Variants in SLC14A2 observed in about 807,000 individuals in gnomAD.
The protein encoded by SLC14A2 is urea transporter 2.
Under a neutral mutation model 104.6 loss-of-function variants are expected in SLC14A2, and 91 were observed. That is an observed-to-expected ratio of 0.87 (90% CI 0.73 to 1.04). SLC14A2 has a LOEUF of 1.04. Among genes scored for constraint, SLC14A2 ranks in the 50% least tolerant of loss-of-function variants. The pLI is 0.00. For missense variants in SLC14A2, 1,189 were observed against 1,156.0 expected, an observed-to-expected ratio of 1.03 and a Z score of -0.41; for synonymous variants, 476 against 466.4, an observed-to-expected ratio of 1.02 and a Z score of -0.27.
chr18:45,598,904 A>G (rs2044750364), intron 2 of SLC14A2, among the ~76,000 whole-genome samples: 1 of 151,894 alleles, frequency 6.6e-6, no homozygotes, highest in Admixed American at 6.6e-5. Flanking sequence ...TAACTTTCTT[A>G]CCCCAAGGGA....
intron 1 of SLC14A2, among the ~76,000 whole-genome samples, chr18:45,345,601 G>T (rs565203603): frequency 2.0e-4 from 30 of 152,244 alleles, no homozygotes; most frequent in African/African-American, 7.0e-4. Context: ...TGATCCTTGT[G>T]CATCATGGGT....
intron 1 of SLC14A2, among the ~76,000 whole-genome samples, chr18:45,257,633 G>A (rs372526843): frequency 2.7e-4 from 41 of 152,012 alleles, no homozygotes; most frequent in African/African-American, 9.2e-4. Context: ...TGTAGCTCTT[G>A]GCAATCTTAA....
rs1399823888 is a variant in SLC14A2, at chr18:45,669,510, G to A, written c.2229+12G>A. 6.2e-7 allele frequency: 1 copy of A among 1,607,348 alleles called. No homozygotes were observed. Among genetic ancestry groups the A allele is most frequent in the East Asian group, 2.2e-5 (1 of 44,836 alleles). Reference sequence around the variant, plus strand: ...TCCAAGTGCCCTTGGTACGTATCATGGAAGGAGGAAGGGCAGGTCTGTCCA... The same window carrying A: ...TCCAAGTGCCCTTGGTACGTATCATAGAAGGAGGAAGGGCAGGTCTGTCCA... On this transcript the variant is annotated intron_variant, in intron 16 of 19. Coordinates refer to ENST00000255226, the MANE Select transcript of SLC14A2 (RefSeq NM_007163.4).
intron 4 of SLC14A2, among the ~76,000 whole-genome samples, chr18:45,629,090 C>T (rs903992342): frequency 3.3e-5 from 5 of 152,192 alleles, no homozygotes; most frequent in South Asian, 2.1e-4. Flanking sequence ...CATCATGGCA[C>T]CTGTGAGGAC....
At chr18:45,583,917 G>A (rs941623498) in intron 2 of SLC14A2, among the ~76,000 whole-genome samples, 1 of 152,294 alleles carries the variant, frequency 6.6e-6, no homozygotes, top group South Asian at 2.1e-4. Flanking sequence ...AGCCATATGT[G>A]TAATTTTAAT....
At chr18:45,355,368 G>A (rs2085542480) in intron 1 of SLC14A2, among the ~76,000 whole-genome samples, 1 of 152,002 alleles carries the variant, frequency 6.6e-6, no homozygotes, top group Admixed American at 6.6e-5. Context: ...GAGGGCAGGA[G>A]TTCGAGACCA....
chr18:45,430,480 A>C (rs1003030167), intron 1 of SLC14A2, among the ~76,000 whole-genome samples: 1 of 152,340 alleles, frequency 6.6e-6, no homozygotes, highest in Non-Finnish European at 1.5e-5. Context: ...TAAAGATTTC[A>C]GAAAAGGGAG....
intron 2 of SLC14A2, among the ~76,000 whole-genome samples, chr18:45,564,048 A>T (rs1033270609): frequency 6.6e-6 from 1 of 152,240 alleles, no homozygotes; most frequent in East Asian, 1.9e-4. Flanking sequence ...GTTTTATGTT[A>T]TCTCCATCAA....
At chr18:45,484,515 T>C (rs951913627) in intron 2 of SLC14A2, among the ~76,000 whole-genome samples, 4 of 152,214 alleles carry the variant, frequency 2.6e-5, no homozygotes, top group Non-Finnish European at 5.9e-5. Flanking sequence ...AATGACTCTT[T>C]GAATGGTCAA....
the SLC14A2 span, among the ~76,000 whole-genome samples, chr18:45,187,834 G>A: frequency 2.0e-5 from 3 of 152,116 alleles, no homozygotes; most frequent in African/African-American, 7.2e-5. Flanking sequence ...TGTGGAAAAT[G>A]TTTATCTTTG....
chr18:45,210,626 C>A (rs1376232163), upstream of SLC14A2, among the ~76,000 whole-genome samples: 1 of 152,208 alleles, frequency 6.6e-6, no homozygotes, highest in Non-Finnish European at 1.5e-5. Context: ...GTGCCAGGCA[C>A]TGCCACAGGC....
chr18:45,250,751 C>CTGACTTTTTTTTT (rs1165070845), intron 1 of SLC14A2, among the ~76,000 whole-genome samples: 50 of 113,898 alleles, frequency 4.4e-4, no homozygotes, highest in African/African-American at 5.1e-4. Context: ...CTAGTGGCTT[C>CTGACTTTTTTTTT]TTCCTTTTTT....
At chr18:45,195,677 A>C in the SLC14A2 span, among the ~76,000 whole-genome samples, 9 of 152,210 alleles carry the variant, frequency 5.9e-5, no homozygotes, top group Non-Finnish European at 1.3e-4. Flanking sequence ...GGTGTGAGCC[A>C]CTGCGCCTGG....
At chr18:45,354,430 T>C (rs1049187443) in intron 1 of SLC14A2, among the ~76,000 whole-genome samples, 3 of 152,168 alleles carry the variant, frequency 2.0e-5, no homozygotes, top group African/African-American at 7.2e-5. Flanking sequence ...GCTCACTACT[T>C]CAACCCATCT....
upstream of SLC14A2, among the ~76,000 whole-genome samples, chr18:45,209,229 G>C (rs543092327): frequency 1.3e-5 from 2 of 148,726 alleles, no homozygotes; most frequent in African/African-American, 5.0e-5. Context: ...TGTAGTCCTA[G>C]CTACTCGGGA....
chr18:45,570,624 C>T (rs974922624), intron 2 of SLC14A2, among the ~76,000 whole-genome samples: 3 of 152,182 alleles, frequency 2.0e-5, no homozygotes, highest in Non-Finnish European at 4.4e-5. Flanking sequence ...TTACTTGATC[C>T]TAACAAACCC....
intron 1 of SLC14A2, among the ~76,000 whole-genome samples, chr18:45,288,043 C>T (rs1219658287): frequency 6.6e-6 from 1 of 152,232 alleles, no homozygotes; most frequent in African/African-American, 2.4e-5. Flanking sequence ...CTCCTCCCTA[C>T]ACAGGAGCAA....
chr18:45,555,279 T>C (rs2044115753), intron 2 of SLC14A2, among the ~76,000 whole-genome samples: 1 of 152,156 alleles, frequency 6.6e-6, no homozygotes, highest in African/African-American at 2.4e-5. Context: ...ATAAGAACAT[T>C]CAATGGTATA....
intron 10 of SLC14A2, among the ~76,000 whole-genome samples, chr18:45,656,744 T>A (rs1221781360): frequency 6.6e-6 from 1 of 152,166 alleles, no homozygotes; most frequent in Non-Finnish European, 1.5e-5. Flanking sequence ...CAATAAGGCA[T>A]CAACTTATTT....
Sources: gnomAD v4.1 joint callset for allele counts (sites outside exome capture counted in the v4.1 genomes callset) on GRCh38, gnomAD v4.1.1 for gene constraint, MANE v1.5 for transcripts, NCBI Gene and HGNC (gene_info 2026-07-23, HGNC 2026-07-21) for gene names.